PRKG1: variants seen among roughly 807,000 people sequenced by gnomAD.
The protein encoded by PRKG1 is cGMP-dependent protein kinase 1.
In PRKG1, 35 loss-of-function variants were observed where a neutral mutation model predicts 88.1. The observed-to-expected ratio is 0.40, with a 90% CI of 0.30 to 0.53. The LOEUF (loss-of-function observed/expected upper bound fraction) is 0.53. Among genes scored for constraint, PRKG1 ranks in the 20% least tolerant of loss-of-function variants. The pLI is 0.59. For missense variants in PRKG1, 540 were observed against 839.8 expected (o/e 0.64, Z 4.41); for synonymous variants, 303 against 292.5 (o/e 1.04, Z -0.37).
intron 3 of PRKG1, among the ~76,000 whole-genome samples, chr10:51,494,339 A>G (rs1840792666): frequency 6.6e-6 from 1 of 152,232 alleles, no homozygotes. Flanking sequence ...TAAATAGTTG[A>G]TGATGCAAAA....
chr10:51,978,484 G>A (rs1236574860), intron 5 of PRKG1, among the ~76,000 whole-genome samples: 1 of 138,916 alleles, frequency 7.2e-6, no homozygotes, highest in African/African-American at 2.8e-5. Context: ...ACAGTTTTAT[G>A]TAGTTCTGTG....
rs117680093 is a variant in PRKG1 at position 51,986,774 on chromosome 10, C to T, written c.763-67710C>T. Among the ~76,000 whole-genome samples the T allele has an allele frequency of 9.9e-3, 1,514 of 152,266 alleles. 11 individuals carry two copies. Among genetic ancestry groups the T allele is most frequent in the Non-Finnish European group, 0.016 (1,068 of 68,006 alleles). On this transcript the variant is annotated intron_variant, in intron 5 of 17. Transcript: ENST00000373980. ...TGCAGCTTAGAGCTCGTATGAGATACTGGGACTTGCCTGTTGGAGGGGAGG... is the reference window on the plus strand; with the variant it reads ...TGCAGCTTAGAGCTCGTATGAGATATTGGGACTTGCCTGTTGGAGGGGAGG...
intron 2 of PRKG1, among the ~76,000 whole-genome samples, chr10:51,408,975 G>A (rs1445108448): frequency 6.6e-6 from 1 of 152,160 alleles, no homozygotes; most frequent in African/African-American, 2.4e-5. Context: ...TTCCAATCAT[G>A]CTTCTTCCAA....
chr10:52,152,708 T>A (rs1233962932), intron 8 of PRKG1, among the ~76,000 whole-genome samples: 1 of 152,202 alleles, frequency 6.6e-6, no homozygotes, highest in African/African-American at 2.4e-5. Flanking sequence ...CTCTGCTTAC[T>A]GTGTAAGGAT....
intron 3 of PRKG1, among the ~76,000 whole-genome samples, chr10:51,660,046 A>G (rs1017390153): frequency 6.6e-6 from 1 of 151,880 alleles, no homozygotes. Context: ...ATGTCGCTCT[A>G]TAGAATGAAG....
At chr10:51,300,460 A>G (rs944862688) in intron 2 of PRKG1, among the ~76,000 whole-genome samples, 13 of 152,174 alleles carry the variant, frequency 8.5e-5, no homozygotes, top group African/African-American at 3.1e-4. Context: ...TGTTTTGATT[A>G]AGAAGCTCTT....
intron 3 of PRKG1, among the ~76,000 whole-genome samples, chr10:51,482,853 A>G (rs1840405181): frequency 6.6e-6 from 1 of 152,170 alleles, no homozygotes; most frequent in Admixed American, 6.5e-5. Context: ...ATCAGGTAAT[A>G]TATGTCAAAT....
In PRKG1 at chr10:51,221,968, G is replaced by A. The variant is rs559844884; in HGVS notation, c.478+68638G>A. Reference sequence around the variant, plus strand: ...TGGCTCACTGTAACTTCTGTATCCCGGGTTCAAGCAATTCTCCTGCCTTGG... The same window carrying A: ...TGGCTCACTGTAACTTCTGTATCCCAGGTTCAAGCAATTCTCCTGCCTTGG... On this transcript the variant is annotated intron_variant, in intron 2 of 17. Transcript: ENST00000373980. 2.1e-3 allele frequency among the ~76,000 whole-genome samples: 310 copies of A among 147,218 alleles called. 1 individual carries two copies. The highest frequency in any genetic ancestry group is 7.3e-3 in the African/African-American group (290 of 39,950).
intron 3 of PRKG1, among the ~76,000 whole-genome samples, chr10:51,540,997 G>T (rs943618715): frequency 2.0e-5 from 3 of 152,140 alleles, no homozygotes; most frequent in Non-Finnish European, 2.9e-5. Flanking sequence ...GATTACAGGC[G>T]TGAGCCACCA....
At chr10:52,153,389 G>A (rs1837995920) in intron 8 of PRKG1, among the ~76,000 whole-genome samples, 1 of 152,160 alleles carries the variant, frequency 6.6e-6, no homozygotes, top group African/African-American at 2.4e-5. Context: ...TAATAAGGAA[G>A]ATAATGGCTA....
At chr10:51,729,282 A>C (rs1404791654) in intron 3 of PRKG1, among the ~76,000 whole-genome samples, 1 of 152,240 alleles carries the variant, frequency 6.6e-6, no homozygotes, top group Non-Finnish European at 1.5e-5. Flanking sequence ...GAATAGCATG[A>C]AAAAGTTTCC....
chr10:51,793,583 G>A (rs1201300371), intron 3 of PRKG1, among the ~76,000 whole-genome samples: 1 of 151,938 alleles, frequency 6.6e-6, no homozygotes, highest in Non-Finnish European at 1.5e-5. Context: ...TAAGACTACT[G>A]TAAGACATAA....
At chr10:52,183,595 G>A (rs371782152) in intron 9 of PRKG1, among the ~76,000 whole-genome samples, 8 of 152,176 alleles carry the variant, frequency 5.3e-5, no homozygotes, top group African/African-American at 1.9e-4. Flanking sequence ...CTTGGGTTAT[G>A]GCATTCAGCC....
At chr10:51,698,736 C>A (rs1418163606) in intron 3 of PRKG1, 1 of 1,614,108 alleles carries the variant, frequency 6.2e-7, no homozygotes, top group Non-Finnish European at 8.5e-7. Context: ...GCTCCGGGAA[C>A]TGCAGCTGGT....
intron 7 of PRKG1, among the ~76,000 whole-genome samples, chr10:52,105,654 C>T (rs1320188118): frequency 6.6e-6 from 1 of 151,710 alleles, no homozygotes; most frequent in Non-Finnish European, 1.5e-5. Context: ...TTCAGGGGTA[C>T]AAGTGCAGGT....
At chr10:51,331,036 G>GA (rs1213671335) in intron 2 of PRKG1, among the ~76,000 whole-genome samples, 3 of 152,102 alleles carry the variant, frequency 2.0e-5, no homozygotes, top group Non-Finnish European at 2.9e-5. Context: ...GGGTAGTTCA[G>GA]AAGGCCAGGA....
At chr10:52,154,147 A>G (rs1457868221) in intron 8 of PRKG1, among the ~76,000 whole-genome samples, 1 of 152,178 alleles carries the variant, frequency 6.6e-6, no homozygotes, top group Non-Finnish European at 1.5e-5. Context: ...GTATGGTTAA[A>G]TTTTGATTAT....
intron 8 of PRKG1, among the ~76,000 whole-genome samples, chr10:52,142,089 T>C (rs998166147): frequency 6.6e-6 from 1 of 152,160 alleles, no homozygotes; most frequent in Non-Finnish European, 1.5e-5. Context: ...ATTTGTTATA[T>C]CTCAGGATTT....
intron 3 of PRKG1, among the ~76,000 whole-genome samples, chr10:51,537,438 A>T (rs1842184559): frequency 6.6e-6 from 1 of 152,152 alleles, no homozygotes; most frequent in South Asian, 2.1e-4. Context: ...TGTATATTTA[A>T]ATTACTCAGA....
Sources: allele counts gnomAD v4.1 joint callset (sites outside exome capture counted in the v4.1 genomes callset), GRCh38; gene constraint gnomAD v4.1.1; transcripts MANE v1.5; gene names NCBI Gene and HGNC (gene_info 2026-07-23, HGNC 2026-07-21).